EN1: variants seen among roughly 807,000 people sequenced by gnomAD.
EN1 encodes engrailed homeobox 1, also known as homeobox protein engrailed-1.
In EN1, 8 loss-of-function variants were observed where a neutral mutation model predicts 22.9. The ratio of observed to expected loss-of-function variants is 0.35; its 90% CI spans 0.20 to 0.63. The LOEUF (loss-of-function observed/expected upper bound fraction) is 0.63. Ranked by LOEUF, EN1 falls within the 20% of genes least tolerant of loss-of-function variation. The probability of loss-of-function intolerance (pLI) is 0.73; values close to 1 mark genes in which losing one functional copy is unlikely to be tolerated. For synonymous variants in EN1, 287 were observed against 262.5 expected, an observed-to-expected ratio of 1.09 and a Z score of -0.90; for missense variants, 521 against 572.1, an observed-to-expected ratio of 0.91 and a Z score of 0.91.
rs1558801604 is a variant in EN1, at chr2:118,847,013, G to C, written c.155C>G (p.Pro52Arg). ...GGGCGGCGAGGGGGGCGCAGGCTGC[G>C]GGGACACCGGCACGCTGTCTCCATC... ...GSDGDSVPVS[P>R]QPAPPSPPAA... Residue 52 changes from proline (P) to arginine (R), a missense_variant, in exon 1 of 2, where the codon CCG (proline) becomes CGG (arginine). By Grantham distance (103) the Pro-to-Arg change is moderately radical (BLOSUM62 -2). Around this residue, in one of 3 missense-constraint regions of EN1, gnomAD observed 436 missense variants for 410.1 expected, o/e 1.06. Coordinates refer to ENST00000295206, the MANE Select transcript of EN1 (RefSeq NM_001426.4). The C allele has an allele frequency of 7.2e-7, 1 of 1,385,024 alleles. No individual in the cohort carries two copies. The highest frequency in any genetic ancestry group is 1.7e-5 in the South Asian group (1 of 60,598). 85.8% of individuals were successfully genotyped at this position (1,385,024 alleles called of 1,614,324 possible).
chr2:118,843,487 G>C (rs914754005), intron 1 of EN1, among the ~76,000 whole-genome samples: 1 of 152,194 alleles, frequency 6.6e-6, no homozygotes, highest in African/African-American at 2.4e-5. Flanking sequence ...CCCTTTGGGA[G>C]GGCAAAGGAG....
chr2:118,846,459 C>T lies in EN1; in HGVS notation c.709G>A (p.Ala237Thr), dbSNP rs1335847360. ...TGCTCCGGGTATTTGGTGCCCTGCGCTCCGGGGCTCCCCGCGCCGCCTCCA... is the reference window on the plus strand; with the variant it reads ...TGCTCCGGGTATTTGGTGCCCTGCGTTCCGGGGCTCCCCGCGCCGCCTCCA... ...GSGGGAGSPGAQGTKYPEHGN... is the reference protein window; with the variant it reads ...GSGGGAGSPGTQGTKYPEHGN... The change falls in exon 1 of 2, where the codon GCG (alanine) becomes ACG (threonine). Residue 237 changes from alanine to threonine, a missense_variant. Around this residue, in one of 3 missense-constraint regions of EN1, gnomAD observed 436 missense variants for 410.1 expected, o/e 1.06. Transcript: ENST00000295206. This position sits in a 1 kb window ranked among gnomAD's most constrained non-coding sequence, Gnocchi z 5.0. The T allele has an allele frequency of 1.2e-6, 2 of 1,605,972 alleles. No individual in the cohort carries two copies. The highest frequency in any genetic ancestry group is 1.7e-6 in the Non-Finnish European group (2 of 1,177,186).
chr2:118,846,881 G>T lies in EN1; in HGVS notation c.287C>A (p.Ala96Glu), dbSNP rs1368679718. Reference protein sequence around the residue: ...LAAPAHQPQPAAQLHRTTNFF... With the variant: ...LAAPAHQPQPEAQLHRTTNFF... The stretch of plus-strand genomic sequence containing the variant: ...GTTGGTGGTGCGGTGCAGCTGGGCC[G>T]CTGGCTGCGGCTGGTGAGCAGGCGC... The change falls in exon 1 of 2, where the codon GCG (alanine) becomes GAG (glutamate). Residue 96 changes from alanine to glutamate, a missense_variant. Ala to Glu is a moderately radical substitution (Grantham distance 107). Transcript: ENST00000295206. The surrounding 1 kb of genome is among the most constrained non-coding windows in gnomAD (Gnocchi z 5.0). The T allele has an allele frequency of 2.5e-6, 4 of 1,574,198 alleles. No homozygotes were observed. The highest frequency in any genetic ancestry group is 2.8e-5 in the African/African-American group (2 of 72,500).
rs1288945683 is a variant in EN1 at position 118,842,860 on chromosome 2, T to C, written c.*78A>G. On this transcript the variant is annotated 3_prime_UTR_variant, in exon 2 of 2. Transcript: ENST00000295206. ...TCCCTCCCTCCTTGGAGCAGATGCT[T>C]TCTCCCCCAGCGAGGGGCCGGGAGA... The C allele has an allele frequency of 2.6e-6, 4 of 1,511,752 alleles. No individual in the cohort carries two copies. The highest frequency in any genetic ancestry group is 2.2e-5 in the Admixed American group (1 of 45,966). The allele number at this position is 1,511,752 out of a possible 1,614,324, so 93.6% of individuals were successfully genotyped here. A position where few individuals can be genotyped will look rare whatever the true frequency, so the allele number is the denominator to read the frequency against.
Position 118,846,176 on chromosome 2 carries a change from G to T in EN1, c.862+130C>A. 1.4e-6 allele frequency: 2 copies of T among 1,381,012 alleles called. No individual in the cohort carries two copies. Among genetic ancestry groups the T allele is most frequent in the South Asian group, 2.6e-5 (2 of 76,470 alleles). The allele number at this position is 1,381,012 out of a possible 1,614,324, so 85.5% of individuals were successfully genotyped here. On this transcript the variant is annotated intron_variant, in intron 1 of 1. Transcript: ENST00000295206. The surrounding 1 kb of genome is among the most constrained non-coding windows in gnomAD (Gnocchi z 5.0). ...GAACATTCGGTTGTGACTGGAACTGGGGTGAGGAAGCAGGCGTGAGAGACT... is the reference window on the plus strand; with the variant it reads ...GAACATTCGGTTGTGACTGGAACTGTGGTGAGGAAGCAGGCGTGAGAGACT...
Position 118,843,514 on chromosome 2 carries a change from G to C in EN1, c.863-260C>G, listed in dbSNP as rs577150160. ...GCAAAGGAGCAGTGAAGGAAAGCTG[G>C]TTGAGGTTGTAGGTGCACCCCACAC... On this transcript the variant is annotated intron_variant, in intron 1 of 1. Transcript: ENST00000295206. Among the ~76,000 whole-genome samples, 106 of 152,324 alleles carry C rather than the reference G, an allele frequency of 7.0e-4. 1 individual carries two copies. The highest frequency in any genetic ancestry group is 2.9e-3 in the Admixed American group (44 of 15,308).
chr2:118,846,858 T>C lies in EN1; in HGVS notation c.310A>G (p.Asn104Asp). 1.3e-6 allele frequency: 2 copies of C among 1,494,724 alleles called. No homozygotes were observed. The highest frequency in any genetic ancestry group is 1.8e-6 in the Non-Finnish European group (2 of 1,114,772). 92.6% of individuals were successfully genotyped at this position (1,494,724 alleles called of 1,614,324 possible). A position where few individuals can be genotyped will look rare whatever the true frequency, so the allele number is the denominator to read the frequency against. The change falls in exon 1 of 2, where the codon AAC (asparagine) becomes GAC (aspartate). Residue 104 changes from asparagine to aspartate, a missense_variant. Asn to Asp is a conservative substitution (Grantham distance 23). Around this residue, in one of 3 missense-constraint regions of EN1, gnomAD observed 436 missense variants for 410.1 expected, o/e 1.06. Transcript: ENST00000295206. This position sits in a 1 kb window ranked among gnomAD's most constrained non-coding sequence, Gnocchi z 5.0. Reference protein sequence around the residue: ...QPAAQLHRTTNFFIDNILRPD... With the variant: ...QPAAQLHRTTDFFIDNILRPD... The stretch of plus-strand genomic sequence containing the variant: ...CTCAGGATGTTGTCGATGAAAAAGT[T>C]GGTGGTGCGGTGCAGCTGGGCCGCT...
rs754948981 is a variant in EN1, at chr2:118,847,085, C to G, written c.83G>C (p.Ser28Thr). 1 of 1,423,012 alleles carries G rather than the reference C, an allele frequency of 7.0e-7. No individual in the cohort carries two copies. The highest frequency in any genetic ancestry group is 1.4e-5 in the South Asian group (1 of 71,680). 88.1% of individuals were successfully genotyped at this position (1,423,012 alleles called of 1,614,324 possible). A position where few individuals can be genotyped will look rare whatever the true frequency, so the allele number is the denominator to read the frequency against. Reference protein sequence around the residue: ...AAAAATPGGLSLSLSPGASGS... With the variant: ...AAAAATPGGLTLSLSPGASGS... ...GCTGGCGCCCGGACTGAGGCTCAGG[C>G]TGAGGCCGCCCGGAGTCGCCGCCGC... is the stretch of plus-strand genomic sequence containing the variant. The change falls in exon 1 of 2, where the codon AGC (serine) becomes ACC (threonine). Residue 28 changes from serine (S) to threonine (T), a missense_variant. Ser to Thr is a moderately conservative substitution (Grantham distance 58, BLOSUM62 1). Transcript: ENST00000295206.
chr2:118,846,935 G>T lies in EN1; in HGVS notation c.233C>A (p.Pro78His). 1 of 1,502,374 alleles carries T rather than the reference G, an allele frequency of 6.7e-7. No individual in the cohort carries two copies. Among genetic ancestry groups the T allele is most frequent in the African/African-American group, 1.4e-5 (1 of 69,666 alleles). The allele number at this position is 1,502,374 out of a possible 1,614,324, so 93.1% of individuals were successfully genotyped here. The change falls in exon 1 of 2, where the codon CCC (proline) becomes CAC (histidine). Residue 78 changes from proline (P) to histidine (H), a missense_variant. Transcript: ENST00000295206. The surrounding 1 kb of genome is among the most constrained non-coding windows in gnomAD (Gnocchi z 5.0). Reference sequence around the variant, plus strand: ...GAGATGCTGAGGCGGCGGGGGCGGGGGGTGTGGGGGGAGGTGCGGGTGGTG... The same window carrying T: ...GAGATGCTGAGGCGGCGGGGGCGGGTGGTGTGGGGGGAGGTGCGGGTGGTG... The part of the protein sequence containing the change: ...LAHHPHLPPH[P>H]PPPPPQHLAA...
chr2:118,847,148 T>G lies in EN1; in HGVS notation c.20A>C (p.Glu7Ala). 8.5e-7 allele frequency: 1 copy of G among 1,172,258 alleles called. No homozygotes were observed. The highest frequency in any genetic ancestry group is 1.2e-6 in the Non-Finnish European group (1 of 864,176). 72.6% of individuals were successfully genotyped at this position (1,172,258 alleles called of 1,614,324 possible). MEEQQPEPKSQRDSALG... is the reference protein window; with the variant it reads MEEQQPAPKSQRDSALG... ...GGCCGAGTCGCGCTGACTTTTAGGT[T>G]CCGGCTGCTGTTCTTCCATGCTCGG... is the stretch of plus-strand genomic sequence containing the variant. The change falls in exon 1 of 2, where the codon GAA (glutamate) becomes GCA (alanine). Residue 7 changes from glutamate (E) to alanine (A), a missense_variant. By Grantham distance (107) the Glu-to-Ala change is moderately radical. Around this residue, in one of 3 missense-constraint regions of EN1, gnomAD observed 436 missense variants for 410.1 expected, o/e 1.06. Coordinates refer to ENST00000295206, the MANE Select transcript of EN1 (RefSeq NM_001426.4).
intron 1 of EN1, among the ~76,000 whole-genome samples, chr2:118,843,553 G>A (rs1339344942): frequency 6.6e-6 from 1 of 152,196 alleles, no homozygotes; most frequent in African/African-American, 2.4e-5. Context: ...AATTCTCACA[G>A]GACAGTCAGG....
chr2:118,846,060 C>T lies in EN1; in HGVS notation c.862+246G>A, dbSNP rs1018169228. Among the ~76,000 whole-genome samples the T allele has an allele frequency of 6.6e-6, 1 of 151,884 alleles. No individual in the cohort carries two copies. Among genetic ancestry groups the T allele is most frequent in the African/African-American group, 2.4e-5 (1 of 41,332 alleles). The stretch of plus-strand genomic sequence containing the variant: ...AAGAAGGCCCCAGGGATTCAGAGTT[C>T]AAAATCAAAGAATCGAGACCCGAGC... On this transcript the variant is annotated intron_variant, in intron 1 of 1. Transcript: ENST00000295206. The surrounding 1 kb of genome is among the most constrained non-coding windows in gnomAD (Gnocchi z 5.0).
At position 118,847,109 on chromosome 2, in the gene EN1, G is replaced by A; in HGVS notation, c.59C>T (p.Ala20Val). Residue 20 changes from alanine (A) to valine (V), a missense_variant, in exon 1 of 2, where the codon GCG becomes GTG. Ala to Val is a moderately conservative substitution (Grantham distance 64). Coordinates refer to ENST00000295206, the MANE Select transcript of EN1 (RefSeq NM_001426.4). Reference protein sequence around the residue: ...SQRDSALGAAAAATPGGLSLS... With the variant: ...SQRDSALGAAVAATPGGLSLS... ...GCTGAGGCCGCCCGGAGTCGCCGCC[G>A]CCGCCGCGCCGAGGGCCGAGTCGCG... The A allele has an allele frequency of 2.2e-6, 3 of 1,384,468 alleles. No homozygotes were observed. Among genetic ancestry groups the A allele is most frequent in the Non-Finnish European group, 2.8e-6 (3 of 1,055,076 alleles). 85.8% of individuals were successfully genotyped at this position (1,384,468 alleles called of 1,614,324 possible).
rs573792818 is a variant in EN1, at chr2:118,846,151, G to A, written c.862+155C>T. Among the ~76,000 whole-genome samples the A allele has an allele frequency of 4.6e-5, 7 of 152,318 alleles. No homozygotes were observed. In the South Asian group the frequency reaches 8.3e-4, roughly 18 times the overall value. On this transcript the variant is annotated intron_variant, in intron 1 of 1. Transcript: ENST00000295206. This position sits in a 1 kb window ranked among gnomAD's most constrained non-coding sequence, Gnocchi z 5.0. The stretch of plus-strand genomic sequence containing the variant: ...AGAGGCCAGGATCGCATAGCTGGAT[G>A]AACATTCGGTTGTGACTGGAACTGG...
At position 118,847,188 on chromosome 2, in the gene EN1, C is replaced by G. The variant is rs1202334837; in HGVS notation, c.-21G>C. ...TCCATGCTCGGCCGCCCCGCCGCCC[C>G]GGCCGCCGCGCCGGCCCCCGCCCCC... On this transcript the variant is annotated 5_prime_UTR_variant, in exon 1 of 2. Transcript: ENST00000295206. 1.3e-6 allele frequency: 1 copy of G among 763,470 alleles called. No homozygotes were observed. The highest frequency in any genetic ancestry group is 1.9e-6 in the Non-Finnish European group (1 of 532,896). The allele number at this position is 763,470 out of a possible 1,614,324, so 47.3% of individuals were successfully genotyped here.
At chr2:118,844,245 A>G (rs1263292561) in intron 1 of EN1, 1 of 152,106 alleles carries the variant, frequency 6.6e-6, no homozygotes, top group Non-Finnish European at 1.5e-5. Context: ...GACATTTGCA[A>G]GGAGACTGCA....
intron 1 of EN1, 135 bp from the exon 2 acceptor site, chr2:118,843,389 C>G: frequency 1.3e-6 from 1 of 789,768 alleles, no homozygotes; most frequent in Non-Finnish European, 2.0e-6. Context: ...GGGGCGATCT[C>G]GGAGGCCCTG....
rs1678275234 is a variant in EN1, at chr2:118,846,586, T to G, written c.582A>C (p.Lys194Asn). ...CCGCCGCCGCAGCCGGGTTCCCAGC[T>G]TTAGACGCGCCCGCGCCGGCGGCGG... is the stretch of plus-strand genomic sequence containing the variant. Reference protein sequence around the residue: ...QPAAAGAGASKAGNPAAAAAA... With the variant: ...QPAAAGAGASNAGNPAAAAAA... Residue 194 changes from lysine to asparagine, a missense_variant, in exon 1 of 2, where the codon AAA becomes AAC. Around this residue, in one of 3 missense-constraint regions of EN1, gnomAD observed 436 missense variants for 410.1 expected, o/e 1.06. Coordinates refer to ENST00000295206, the MANE Select transcript of EN1 (RefSeq NM_001426.4). This position sits in a 1 kb window ranked among gnomAD's most constrained non-coding sequence, Gnocchi z 5.0. 7.3e-7 allele frequency: 1 copy of G among 1,360,968 alleles called. No individual in the cohort carries two copies. Among genetic ancestry groups the G allele is most frequent in the East Asian group, 3.1e-5 (1 of 31,830 alleles). 84.3% of individuals were successfully genotyped at this position (1,360,968 alleles called of 1,614,324 possible). A position where few individuals can be genotyped will look rare whatever the true frequency, so the allele number is the denominator to read the frequency against.
chr2:118,847,028 C>T lies in EN1; in HGVS notation c.140G>A (p.Ser47Asn). Residue 47 changes from serine (S) to asparagine (N), a missense_variant, in exon 1 of 2, where the codon AGC (serine) becomes AAC (asparagine). Around this residue, in one of 3 missense-constraint regions of EN1, gnomAD observed 436 missense variants for 410.1 expected, o/e 1.06. Transcript: ENST00000295206. ...CGCAGGCTGCGGGGACACCGGCACGCTGTCTCCATCGCTGCCGCTGCCGCT... is the reference window on the plus strand; with the variant it reads ...CGCAGGCTGCGGGGACACCGGCACGTTGTCTCCATCGCTGCCGCTGCCGCT... Reference protein sequence around the residue: ...GSSGSGSDGDSVPVSPQPAPP... With the variant: ...GSSGSGSDGDNVPVSPQPAPP... The T allele has an allele frequency of 1.4e-6, 2 of 1,409,364 alleles. No individual in the cohort carries two copies. The highest frequency in any genetic ancestry group is 1.8e-6 in the Non-Finnish European group (2 of 1,085,210). The allele number at this position is 1,409,364 out of a possible 1,614,324, so 87.3% of individuals were successfully genotyped here. A position where few individuals can be genotyped will look rare whatever the true frequency, so the allele number is the denominator to read the frequency against.
Sources: gnomAD v4.1 joint callset for allele counts (sites outside exome capture counted in the v4.1 genomes callset) on GRCh38, gnomAD v4.1.1 for gene constraint, gnomAD v4.1.1 regional missense constraint, Gnocchi (gnomAD v3.1) non-coding constraint, MANE v1.5 for transcripts, NCBI Gene and HGNC (gene_info 2026-07-23, HGNC 2026-07-21) for gene names.